SPAG5: variants seen among roughly 807,000 people sequenced by gnomAD.
SPAG5 encodes the protein sperm-associated antigen 5.
SPAG5 carries 99 observed loss-of-function variants against 145.4 expected under a neutral mutation model. That is an observed-to-expected ratio of 0.68 (90% CI 0.58 to 0.80). The LOEUF (loss-of-function observed/expected upper bound fraction) is 0.80. Ranked by LOEUF, SPAG5 falls within the 30% of genes least tolerant of loss-of-function variation. SPAG5 has a pLI of 0.00. For missense variants in SPAG5, 1,192 were observed against 1,416.0 expected, an observed-to-expected ratio of 0.84 and a Z score of 2.54; for synonymous variants, 477 against 525.4, an observed-to-expected ratio of 0.91 and a Z score of 1.26.
At chr17:28,593,283 A>G (rs567514524) in intron 2 of SPAG5, among the ~76,000 whole-genome samples, 7 of 152,374 alleles carry the variant, frequency 4.6e-5, no homozygotes, top group East Asian at 1.9e-4. Context: ...ACCAGCCTAC[A>G]TTATAAACAG....
chr17:28,584,714 T>C lies in SPAG5; in HGVS notation c.2099A>G (p.Gln700Arg). 6.2e-7 allele frequency: 1 copy of C among 1,614,114 alleles called. No individual in the cohort carries two copies. ...TGTTTGGCCTTTGCACTCCTCTAAC[T>C]GGGCAGAGACTTGTTCCAGCACCCT... is the stretch of plus-strand genomic sequence containing the variant. ...VSRVLEQVSA[Q>R]LEECKGQTEQ... is the part of the protein sequence containing the mutation. The change falls in exon 11 of 24, where the codon CAG becomes CGG. Residue 700 changes from glutamine (Q) to arginine (R), a missense_variant. Physicochemically the swap from Gln to Arg is conservative, Grantham distance 43. Around this residue, in one of 5 missense-constraint regions of SPAG5, gnomAD observed 709 missense variants for 840.7 expected, o/e 0.84. Coordinates refer to ENST00000321765, the MANE Select transcript of SPAG5 (RefSeq NM_006461.4).
chr17:28,594,838 T>C (rs2070649929), intron 2 of SPAG5, among the ~76,000 whole-genome samples: 1 of 152,120 alleles, frequency 6.6e-6, no homozygotes, highest in Non-Finnish European at 1.5e-5. Context: ...CTCACACCTG[T>C]AGTCCCAGCT....
intron 1 of SPAG5, 61 bp from the exon 2 acceptor site, chr17:28,598,696 C>A: frequency 6.4e-7 from 1 of 1,556,638 alleles, no homozygotes; most frequent in South Asian, 1.2e-5. Flanking sequence ...CCAGCCCGCC[C>A]CTCCTCCCTC....
At chr17:28,583,152 T>G (rs922514805) in intron 15 of SPAG5, among the ~76,000 whole-genome samples, 1 of 152,188 alleles carries the variant, frequency 6.6e-6, no homozygotes, top group Admixed American at 6.5e-5. Flanking sequence ...CTAATTTCTG[T>G]ATTTTTTTGT....
Position 28,577,733 on chromosome 17 carries a change from T to C in SPAG5, c.3548A>G (p.Lys1183Arg), listed in dbSNP as rs1428917029. The C allele has an allele frequency of 3.7e-6, 6 of 1,613,880 alleles. No homozygotes were observed. Among genetic ancestry groups the C allele is most frequent in the Admixed American group, 3.3e-5 (2 of 59,992 alleles). The change falls in exon 24 of 24, where the codon AAA (lysine) becomes AGA (arginine). Residue 1183 changes from lysine (K) to arginine (R), a missense_variant. Around this residue, in one of 5 missense-constraint regions of SPAG5, gnomAD observed 709 missense variants for 840.7 expected, o/e 0.84. Coordinates refer to ENST00000321765, the MANE Select transcript of SPAG5 (RefSeq NM_006461.4). Reference sequence around the variant, plus strand: ...AAATTCCAGCAATCCCTGTAGTTCTTTGCATCCCCTCACCACCTCTGGAAT... The same window carrying C: ...AAATTCCAGCAATCCCTGTAGTTCTCTGCATCCCCTCACCACCTCTGGAAT... The part of the protein sequence containing the change: ...LSIPEVVRGC[K>R]ELQGLLEFLS
At position 28,592,784 on chromosome 17, in the gene SPAG5, C is replaced by G; in HGVS notation, c.460G>C (p.Glu154Gln). ...IFEARLDTMA[E>Q]TNSISLNGPL... ...CCATTTAAAGATATGCTGTTTGTCT[C>G]TGCCATGGTATCTAAACGGGCCTCA... Residue 154 changes from glutamate (E) to glutamine (Q), a missense_variant, in exon 3 of 24, where the codon GAG becomes CAG. Glu to Gln is a conservative substitution (Grantham distance 29, BLOSUM62 2). Coordinates refer to ENST00000321765, the MANE Select transcript of SPAG5 (RefSeq NM_006461.4). 1 of 1,614,184 alleles carries G rather than the reference C, an allele frequency of 6.2e-7. No homozygotes were observed. The highest frequency in any genetic ancestry group is 8.5e-7 in the Non-Finnish European group (1 of 1,180,036).
chr17:28,585,702 G>A (rs770945944), intron 7 of SPAG5, 49 bp from the exon 8 acceptor site: 51 of 1,611,238 alleles, frequency 3.2e-5, no homozygotes, highest in Non-Finnish European at 4.3e-5. Flanking sequence ...AGGGGAGCCA[G>A]CACAAAAAGA....
At chr17:28,595,767 C>T (rs551967027) in intron 2 of SPAG5, among the ~76,000 whole-genome samples, 3 of 151,544 alleles carry the variant, frequency 2.0e-5, no homozygotes, top group South Asian at 4.2e-4. Flanking sequence ...AAAATTAGGC[C>T]GGGCGCGGTG....
chr17:28,598,790 G>A, intron 1 of SPAG5, 106 bp downstream of exon 1: 6 of 1,515,302 alleles, frequency 4.0e-6, no homozygotes, highest in East Asian at 2.3e-5. Flanking sequence ...GACTCCACAA[G>A]CCCCCAACCC....
At chr17:28,598,700 C>T (rs1448994779) in intron 1 of SPAG5, 65 bp from the exon 2 acceptor site, 10 of 1,556,462 alleles carry the variant, frequency 6.4e-6, no homozygotes, top group African/African-American at 1.4e-5. Flanking sequence ...CCCGCCCCTC[C>T]TCCCTCCCTA....
chr17:28,579,676 C>A, intron 17 of SPAG5, 75 bp downstream of exon 17: 1 of 1,461,866 alleles, frequency 6.8e-7, no homozygotes. Context: ...CAAAGCACTT[C>A]TCACTGCTTT....
In SPAG5 at chr17:28,585,924, G is replaced by A. The variant is rs1022456851; in HGVS notation, c.1680C>T (p.Leu560=). The A allele has an allele frequency of 6.2e-7, 1 of 1,614,166 alleles. No individual in the cohort carries two copies. The highest frequency in any genetic ancestry group is 8.5e-7 in the Non-Finnish European group (1 of 1,180,036). The stretch of plus-strand genomic sequence containing the variant: ...GCCTTGCCTCCTCCCTTTCTGCTTT[G>A]AGGCTCTGGAGCTTTGCCCTCAATT... ...LKKLRAKLQS[L]KAEREEARHR... is the part of the protein sequence containing the mutation. The change falls in exon 7 of 24, where the codon CTC becomes CTT. Residue 560 remains leucine, a synonymous_variant. Transcript: ENST00000321765.
At chr17:28,596,686 T>A (rs913692551) in intron 2 of SPAG5, among the ~76,000 whole-genome samples, 10 of 151,634 alleles carry the variant, frequency 6.6e-5, no homozygotes, top group Admixed American at 2.0e-4. Context: ...ATTAATTAAT[T>A]AATAATCATA....
At chr17:28,583,375 G>A in intron 15 of SPAG5, 136 bp downstream of exon 15, 1 of 911,546 alleles carries the variant, frequency 1.1e-6, no homozygotes, top group Non-Finnish European at 1.6e-6. Context: ...AAAGGTTTGA[G>A]CAACAGGCTA....
chr17:28,579,153 G>C lies in SPAG5; in HGVS notation c.3105C>G (p.Cys1035Trp). The C allele has an allele frequency of 6.2e-7, 1 of 1,613,042 alleles. No individual in the cohort carries two copies. The highest frequency in any genetic ancestry group is 8.5e-7 in the Non-Finnish European group (1 of 1,179,644). ...ADIEKLNQALCLRYKNEKELQ... is the reference protein window; with the variant it reads ...ADIEKLNQALWLRYKNEKELQ... Reference sequence around the variant, plus strand: ...GTCCCTCCTTCACCTTGTAGCGCAAGCACAAGGCCTGGTTCAGCTTCTCTA... The same window carrying C: ...GTCCCTCCTTCACCTTGTAGCGCAACCACAAGGCCTGGTTCAGCTTCTCTA... Residue 1035 changes from cysteine to tryptophan, a missense_variant, in exon 19 of 24, where the codon TGC becomes TGG. Physicochemically the swap from Cys to Trp is radical, Grantham distance 215 (BLOSUM62 -2). This residue lies in a region of SPAG5 where 709 missense variants were observed against 840.7 expected (regional missense o/e 0.84). Coordinates refer to ENST00000321765, the MANE Select transcript of SPAG5 (RefSeq NM_006461.4).
chr17:28,593,055 G>GTTGCTGC lies in SPAG5; in HGVS notation c.182_188dup (p.Asn63LysfsTer13). On this transcript the variant is annotated frameshift_variant, in exon 3 of 24. Coordinates refer to ENST00000321765, the MANE Select transcript of SPAG5 (RefSeq NM_006461.4). LOFTEE classifies it high-confidence loss of function. ...TTACAAAATCCACTGGAGATGAGTT[G>GTTGCTGC]TTGCTGCCTTCCTGCCAAAGGAAAC... is the stretch of plus-strand genomic sequence containing the variant. 1 of 1,612,822 alleles carries GTTGCTGC rather than the reference G, an allele frequency of 6.2e-7. No individual in the cohort carries two copies. The highest frequency in any genetic ancestry group is 8.5e-7 in the Non-Finnish European group (1 of 1,178,926).
chr17:28,598,871 T>G, intron 1 of SPAG5, 25 bp downstream of exon 1: 1 of 1,612,538 alleles, frequency 6.2e-7, no homozygotes, highest in Non-Finnish European at 8.5e-7. Flanking sequence ...GGCCCAGTTC[T>G]CTCCGCCAGA....
At chr17:28,591,662 C>T in intron 4 of SPAG5, 36 bp downstream of exon 4, 1 of 1,554,316 alleles carries the variant, frequency 6.4e-7, no homozygotes, top group Non-Finnish European at 8.8e-7. Context: ...AGGATCCCCA[C>T]TGGGATCCCT....
At chr17:28,587,903 A>G (rs2070596645) in intron 4 of SPAG5, among the ~76,000 whole-genome samples, 1 of 152,118 alleles carries the variant, frequency 6.6e-6, no homozygotes, top group Non-Finnish European at 1.5e-5. Context: ...CATCATTTTT[A>G]CTTTCTTAAT....
Sources: gnomAD v4.1 joint callset for allele counts (sites outside exome capture counted in the v4.1 genomes callset) on GRCh38, gnomAD v4.1.1 for gene constraint, gnomAD v4.1.1 regional missense constraint, MANE v1.5 for transcripts, NCBI Gene and HGNC (gene_info 2026-07-23, HGNC 2026-07-21) for gene names.